The following LARGE1 variants were observed in gnomAD, a reference collection of about 807,000 sequenced individuals.
LARGE1 encodes LARGE xylosyl- and glucuronyltransferase 1, also known as xylosyl- and glucuronyltransferase LARGE1.
A neutral mutation model predicts 87.6 loss-of-function variants in LARGE1; 43 were observed. The observed-to-expected ratio is 0.49, with a 90% confidence interval of 0.38 to 0.63. The LOEUF (loss-of-function observed/expected upper bound fraction) is 0.63. Ranked by LOEUF, LARGE1 falls within the 30% of genes least tolerant of loss-of-function variation. LARGE1 has a pLI of 0.00. For missense variants in LARGE1, 802 were observed against 1,000.2 expected, an observed-to-expected ratio of 0.80 and a Z score of 2.67; for synonymous variants, 434 against 394.6, an observed-to-expected ratio of 1.10 and a Z score of -1.18.
intron 2 of LARGE1, among the ~76,000 whole-genome samples, chr22:33,714,746 C>G (rs1273061405): frequency 6.6e-6 from 1 of 152,188 alleles, no homozygotes; most frequent in Admixed American, 6.5e-5. Flanking sequence ...GAAAGAACAG[C>G]AACCACACGC....
rs1024945766 is a variant in LARGE1 at position 33,517,151 on chromosome 22, T to C, written c.787+47697A>G. On this transcript the variant is annotated intron_variant, in intron 6 of 14. Transcript: ENST00000397394. ...ATTCCCCTTAACTGTGAATACGTAT[T>C]AACTGATGATTCCAGAGCTATACAC... Among the ~76,000 whole-genome samples the C allele has an allele frequency of 9.9e-5, 15 of 152,132 alleles. 1 individual carries two copies. The highest frequency in any genetic ancestry group is 2.7e-4 in the African/African-American group (11 of 41,424).
chr22:33,180,238 A>G (rs1467966967), intron 11 of LARGE1, among the ~76,000 whole-genome samples: 2 of 152,208 alleles, frequency 1.3e-5, no homozygotes, highest in South Asian at 2.1e-4. Context: ...TTCACACTTG[A>G]GTGATGTAAA....
In LARGE1 at chr22:33,258,257, C is replaced by G. The variant is rs190867755; in HGVS notation, c.1730+45972G>C. 3.5e-4 allele frequency among the ~76,000 whole-genome samples: 54 copies of G among 152,304 alleles called. No homozygotes were observed. The East Asian group carries it at 9.1e-3, about 26-fold the overall frequency. On this transcript the variant is annotated intron_variant, in intron 11 of 11. Transcript: ENST00000608642. The stretch of plus-strand genomic sequence containing the variant: ...ATGTTGGCCAGTCTGGTCTTGAACT[C>G]CTGACTTCAGGTGATCCACCCACCT...
chr22:33,866,288 TA>T (rs1402089896), intron 1 of LARGE1, among the ~76,000 whole-genome samples: 1 of 152,200 alleles, frequency 6.6e-6, no homozygotes, highest in Non-Finnish European at 1.5e-5. Flanking sequence ...AGACAGCATA[TA>T]GGGGGCTGTT....
At chr22:33,844,079 C>CAAAAA (rs34588361) in intron 1 of LARGE1, among the ~76,000 whole-genome samples, 2 of 122,824 alleles carry the variant, frequency 1.6e-5, no homozygotes, top group Admixed American at 7.9e-5. Context: ...AACTCCGTCT[C>CAAAAA]AAAAAAAAAA....
intron 2 of LARGE1, among the ~76,000 whole-genome samples, chr22:33,702,277 C>A (rs2082423619): frequency 6.6e-6 from 1 of 152,162 alleles, no homozygotes; most frequent in African/African-American, 2.4e-5. Flanking sequence ...TCTGGACTGA[C>A]CTCTGCGCCT....
chr22:33,660,414 T>A (rs2081089597), intron 2 of LARGE1, among the ~76,000 whole-genome samples: 1 of 152,188 alleles, frequency 6.6e-6, no homozygotes, highest in South Asian at 2.1e-4. Flanking sequence ...CAGTGTATAC[T>A]AGAAAAGGTG....
chr22:33,770,318 T>G (rs781323329), intron 1 of LARGE1, among the ~76,000 whole-genome samples: 2 of 152,234 alleles, frequency 1.3e-5, no homozygotes, highest in African/African-American at 2.4e-5. Context: ...TCAGCTCATT[T>G]CTAAAGCTTC....
Position 33,433,695 on chromosome 22 carries a change from C to T in LARGE1, c.788-1430G>A, listed in dbSNP as rs2067165508. The stretch of plus-strand genomic sequence containing the variant: ...AAAAGTCACACACCTAACAATGACT[C>T]TCTTCTACAGCTAACCAATACCTTT... On this transcript the variant is annotated intron_variant, in intron 6 of 14. Coordinates refer to ENST00000397394, the MANE Select transcript of LARGE1 (RefSeq NM_133642.5). Among the ~76,000 whole-genome samples the T allele has an allele frequency of 2.0e-5, 3 of 151,016 alleles. No homozygotes were observed. In the South Asian group the frequency reaches 6.3e-4, roughly 32 times the overall value.
intron 6 of LARGE1, among the ~76,000 whole-genome samples, chr22:33,450,693 T>C (rs1324537892): frequency 6.6e-6 from 1 of 152,162 alleles, no homozygotes; most frequent in African/African-American, 2.4e-5. Flanking sequence ...TTAATACTCA[T>C]TTAGTCCAAT....
Position 33,283,071 on chromosome 22 carries a change from G to T in LARGE1, c.1877+131C>A, listed in dbSNP as rs986422873. ...TACAAGGACGTTGTCTGGAGAAAGC[G>T]GTGCTTTCCTGGCCTCACAATGGAC... On this transcript the variant is annotated intron_variant, in intron 13 of 14. Transcript: ENST00000397394. The T allele has an allele frequency of 7.2e-6, 8 of 1,110,454 alleles. No homozygotes were observed. In the African/African-American group the frequency reaches 7.7e-5, roughly 11 times the overall value. 68.8% of individuals were successfully genotyped at this position (1,110,454 alleles called of 1,614,324 possible).
At chr22:33,200,580 G>GA (rs58513845) in intron 11 of LARGE1, among the ~76,000 whole-genome samples, 5,054 of 152,160 alleles carry the variant, frequency 0.033, 294 homozygotes, top group African/African-American at 0.12. Context: ...TCAAAAAGGA[G>GA]AAAAAACTGG....
chr22:33,705,868 G>A (rs1391238512), intron 2 of LARGE1, among the ~76,000 whole-genome samples: 4 of 152,142 alleles, frequency 2.6e-5, no homozygotes, highest in Admixed American at 1.3e-4. Context: ...TGTTTAATAC[G>A]TGCAGGCATT....
At chr22:33,900,053 C>T (rs2065243631) in intron 1 of LARGE1, among the ~76,000 whole-genome samples, 1 of 152,180 alleles carries the variant, frequency 6.6e-6, no homozygotes, top group Admixed American at 6.5e-5. Flanking sequence ...GCCTCTGCCC[C>T]AAGTGAACCT....
intron 6 of LARGE1, among the ~76,000 whole-genome samples, chr22:33,520,683 G>A (rs2071537304): frequency 6.6e-6 from 1 of 152,176 alleles, no homozygotes. Context: ...GCGTCTTTCT[G>A]TCCTGGTTTT....
chr22:33,092,433 CT>C, the LARGE1 span, among the ~76,000 whole-genome samples: 1 of 151,766 alleles, frequency 6.6e-6, no homozygotes, highest in Admixed American at 6.6e-5. Context: ...AAAGTGTGGA[CT>C]TCTTTTCTTT....
intron 1 of LARGE1, among the ~76,000 whole-genome samples, chr22:33,785,140 T>C (rs2085582940): frequency 6.8e-6 from 1 of 147,470 alleles, no homozygotes; most frequent in East Asian, 2.0e-4. Flanking sequence ...TGTGTATACA[T>C]ACATATGTGT....
intron 1 of LARGE1, among the ~76,000 whole-genome samples, chr22:33,813,491 C>T (rs889056973): frequency 3.3e-5 from 5 of 152,052 alleles, no homozygotes; most frequent in African/African-American, 7.2e-5. Flanking sequence ...TTCTGCTCAA[C>T]GGCCCACCAG....
intron 1 of LARGE1, among the ~76,000 whole-genome samples, chr22:33,840,804 A>G (rs2063259721): frequency 6.6e-6 from 1 of 151,914 alleles, no homozygotes; most frequent in Non-Finnish European, 1.5e-5. Flanking sequence ...TCTAGTTTTT[A>G]TACAGACAAG....
Sources: gnomAD v4.1 joint callset for allele counts (sites outside exome capture counted in the v4.1 genomes callset) on GRCh38, gnomAD v4.1.1 for gene constraint, MANE v1.5 for transcripts, NCBI Gene and HGNC (gene_info 2026-07-23, HGNC 2026-07-21) for gene names.